Variants in ANKRD36 observed in about 807,000 individuals in gnomAD.
ANKRD36 encodes the protein ankyrin repeat domain-containing protein 36A.
ANKRD36 carries 179 observed loss-of-function variants against 278.1 expected under a neutral mutation model. That is an observed-to-expected ratio of 0.64 (90% confidence interval 0.57 to 0.73). The LOEUF (loss-of-function observed/expected upper bound fraction) is 0.73. Ranked by LOEUF, ANKRD36 falls within the 30% of genes least tolerant of loss-of-function variation. The probability of loss-of-function intolerance (pLI) is 0.00; values close to 1 mark genes in which losing one functional copy is unlikely to be tolerated. For missense variants in ANKRD36, 1,159 were observed against 1,956.7 expected, an observed-to-expected ratio of 0.59 and a Z score of 7.69; for synonymous variants, 320 against 641.1, an observed-to-expected ratio of 0.50 and a Z score of 7.57.
chr2:97,125,004 TCTA>T (rs1217905385), intron 5 of ANKRD36, among the ~76,000 whole-genome samples: 1 of 151,836 alleles, frequency 6.6e-6, no homozygotes, highest in Non-Finnish European at 1.5e-5. Context: ...CTGGGGACCA[TCTA>T]CTATAGCCTG....
chr2:97,145,531 A>T (rs2044038339), intron 10 of ANKRD36, among the ~76,000 whole-genome samples: 1 of 152,118 alleles, frequency 6.6e-6, no homozygotes, highest in African/African-American at 2.4e-5. Flanking sequence ...ATGATCCTTC[A>T]AACCAGACTA....
intron 46 of ANKRD36, among the ~76,000 whole-genome samples, 187 bp from the exon 47 acceptor site, chr2:97,202,015 T>C (rs1161963120): frequency 1.3e-5 from 2 of 151,910 alleles, no homozygotes; most frequent in African/African-American, 2.4e-5. Context: ...GTATATTTCA[T>C]GGAGCCTGTA....
chr2:97,147,280 T>C (rs1020001264), intron 11 of ANKRD36, among the ~76,000 whole-genome samples: 1 of 151,954 alleles, frequency 6.6e-6, no homozygotes, highest in African/African-American at 2.4e-5. Context: ...GATTCTTCTT[T>C]TTTCCTTCTA....
chr2:97,199,008 G>C (rs1179485306), intron 44 of ANKRD36, among the ~76,000 whole-genome samples: 1 of 151,890 alleles, frequency 6.6e-6, no homozygotes, highest in Non-Finnish European at 1.5e-5. Flanking sequence ...ACACACTTCA[G>C]CTCGCACTGC....
At chr2:97,156,117 C>T (rs1163107843) in intron 15 of ANKRD36, among the ~76,000 whole-genome samples, 5 of 146,470 alleles carry the variant, frequency 3.4e-5, no homozygotes, top group Non-Finnish European at 7.7e-5. Flanking sequence ...CTAATATCTT[C>T]CAACTGGAAG....
In ANKRD36 at chr2:97,158,100, C is replaced by G; in HGVS notation, c.1261-7C>G. 1 of 1,483,226 alleles carries G rather than the reference C, an allele frequency of 6.7e-7. No homozygotes were observed. Among genetic ancestry groups the G allele is most frequent in the Non-Finnish European group, 9.1e-7 (1 of 1,100,196 alleles). The allele number at this position is 1,483,226 out of a possible 1,614,324, so 91.9% of individuals were successfully genotyped here. A position where few individuals can be genotyped will look rare whatever the true frequency, so the allele number is the denominator to read the frequency against. Reference sequence around the variant, plus strand: ...CATGTTATTCTTAAACCTATTGTGTCTTCTAGAATATTTCAGAACCATACT... The same window carrying G: ...CATGTTATTCTTAAACCTATTGTGTGTTCTAGAATATTTCAGAACCATACT... On this transcript the variant is annotated splice_region_variant and splice_polypyrimidine_tract_variant and intron_variant, in intron 15 of 75. Transcript: ENST00000420699.
intron 67 of ANKRD36, among the ~76,000 whole-genome samples, chr2:97,227,018 G>T (rs1485230411): frequency 6.6e-6 from 1 of 152,112 alleles, no homozygotes; most frequent in Non-Finnish European, 1.5e-5. Context: ...ATGCTGTTTT[G>T]GTTACTGTAG....
intron 6 of ANKRD36, among the ~76,000 whole-genome samples, chr2:97,128,895 C>T (rs1465788586): frequency 1.3e-5 from 2 of 152,074 alleles, no homozygotes; most frequent in African/African-American, 2.4e-5. Context: ...AGCCGCATTT[C>T]GAGAGTTTCA....
At chr2:97,197,573 T>C (rs1188611490) in intron 42 of ANKRD36, among the ~76,000 whole-genome samples, 2 of 151,888 alleles carry the variant, frequency 1.3e-5, no homozygotes, top group Non-Finnish European at 2.9e-5. Context: ...AGCTATTTCA[T>C]GAAACTTCTT....
intron 6 of ANKRD36, among the ~76,000 whole-genome samples, chr2:97,135,962 A>G (rs2041382197): frequency 1.3e-5 from 2 of 151,890 alleles, no homozygotes; most frequent in South Asian, 4.2e-4. Context: ...AACTCCTAAA[A>G]TCCTCAGAAT....
At chr2:97,228,465 G>T (rs1410990039) in intron 67 of ANKRD36, among the ~76,000 whole-genome samples, 1 of 152,134 alleles carries the variant, frequency 6.6e-6, no homozygotes, top group Non-Finnish European at 1.5e-5. Context: ...TTGTATTTCT[G>T]TGGGATCGGT....
At chr2:97,169,585 A>G (rs1008464623) in intron 22 of ANKRD36, among the ~76,000 whole-genome samples, 1 of 152,286 alleles carries the variant, frequency 6.6e-6, no homozygotes, top group Non-Finnish European at 1.5e-5. Context: ...ACATCAGCAA[A>G]GTCTCAGGAT....
intron 67 of ANKRD36, among the ~76,000 whole-genome samples, chr2:97,226,992 T>C (rs1576368432): frequency 6.6e-6 from 1 of 152,234 alleles, no homozygotes; most frequent in Middle Eastern, 3.4e-3. Flanking sequence ...TATATCTCTG[T>C]TTTGGTACCA....
intron 75 of ANKRD36, among the ~76,000 whole-genome samples, chr2:97,259,020 G>C (rs1487285148): frequency 1.4e-5 from 2 of 144,136 alleles, no homozygotes. Context: ...TTGTTTGATT[G>C]AGTCCCATAA....
chr2:97,176,878 C>T (rs1457455128), intron 22 of ANKRD36, among the ~76,000 whole-genome samples: 1 of 151,656 alleles, frequency 6.6e-6, no homozygotes, highest in African/African-American at 2.4e-5. Flanking sequence ...TTCTCCTTCA[C>T]TTATGAAGCT....
At chr2:97,197,547 A>G (rs2060119023) in intron 42 of ANKRD36, among the ~76,000 whole-genome samples, 1 of 151,874 alleles carries the variant, frequency 6.6e-6, no homozygotes, top group Admixed American at 6.6e-5. Flanking sequence ...TCAAGGAGCT[A>G]CCTCTTGGAT....
chr2:97,172,125 A>T (rs1478838729), intron 22 of ANKRD36, among the ~76,000 whole-genome samples: 2 of 151,850 alleles, frequency 1.3e-5, no homozygotes, highest in African/African-American at 2.4e-5. Flanking sequence ...AAGAGCTTGA[A>T]TTAATTTAAA....
chr2:97,188,479 A>G (rs2057895084), intron 32 of ANKRD36, among the ~76,000 whole-genome samples: 1 of 151,734 alleles, frequency 6.6e-6, no homozygotes, highest in Non-Finnish European at 1.5e-5. Context: ...GATACAAGAT[A>G]CTTAGGCAAA....
At chr2:97,140,699 C>G (rs1221519077) in intron 6 of ANKRD36, among the ~76,000 whole-genome samples, 1 of 151,990 alleles carries the variant, frequency 6.6e-6, no homozygotes, top group African/African-American at 2.4e-5. Context: ...TTTAATAAAG[C>G]AAAACCTTAT....
Sources: allele counts gnomAD v4.1 joint callset (sites outside exome capture counted in the v4.1 genomes callset), GRCh38; gene constraint gnomAD v4.1.1; transcripts MANE v1.5; gene names NCBI Gene and HGNC (gene_info 2026-07-23, HGNC 2026-07-21).